TMEM117: variants seen among roughly 807,000 people sequenced by gnomAD.
TMEM117 encodes the protein transmembrane protein 117.
In TMEM117, 27 loss-of-function variants were observed where a neutral mutation model predicts 52.4. The ratio of observed to expected loss-of-function variants is 0.51; its 90% CI spans 0.38 to 0.71. The LOEUF (loss-of-function observed/expected upper bound fraction) is 0.71, where lower values mean the gene tolerates loss of function less well. Among genes scored for constraint, TMEM117 ranks in the 30% least tolerant of loss-of-function variants. TMEM117 has a pLI of 0.00. For synonymous variants in TMEM117, 215 were observed against 206.3 expected (o/e 1.04, Z -0.36); for missense variants, 556 against 630.5 (o/e 0.88, Z 1.26).
At chr12:44,193,260 A>T (rs1317388093) in intron 4 of TMEM117, among the ~76,000 whole-genome samples, 1 of 152,224 alleles carries the variant, frequency 6.6e-6, no homozygotes, top group Non-Finnish European at 1.5e-5. Context: ...AACCAGGAAA[A>T]AGCAACAGCA....
intron 6 of TMEM117, among the ~76,000 whole-genome samples, chr12:44,305,161 C>T (rs540097748): frequency 6.6e-6 from 1 of 152,304 alleles, no homozygotes; most frequent in Non-Finnish European, 1.5e-5. Flanking sequence ...GTGTGAACAT[C>T]AGCAGTAGCC....
At chr12:43,854,450 GA>G (rs370821552) in intron 2 of TMEM117, among the ~76,000 whole-genome samples, 1,810 of 133,736 alleles carry the variant, frequency 0.014, 47 homozygotes, top group East Asian at 0.096. Flanking sequence ...TTATCCTACT[GA>G]AAAAAAAAAA....
intron 3 of TMEM117, among the ~76,000 whole-genome samples, chr12:44,134,474 A>T (rs1948460894): frequency 6.6e-6 from 1 of 152,168 alleles, no homozygotes; most frequent in South Asian, 2.1e-4. Context: ...TTTTAACTGG[A>T]GAGAGAGGGG....
intron 2 of TMEM117, among the ~76,000 whole-genome samples, chr12:43,893,252 A>G (rs567140124): frequency 6.6e-6 from 1 of 152,342 alleles, no homozygotes; most frequent in Non-Finnish European, 1.5e-5. Flanking sequence ...TGTGTCAAAA[A>G]CGAACTGTAA....
At chr12:43,894,711 G>T (rs1288458122) in intron 2 of TMEM117, among the ~76,000 whole-genome samples, 1 of 152,158 alleles carries the variant, frequency 6.6e-6, no homozygotes, top group East Asian at 1.9e-4. Context: ...TCATGTCCCT[G>T]CAAAGGACTT....
At chr12:44,176,304 G>C (rs1267718250) in intron 4 of TMEM117, among the ~76,000 whole-genome samples, 1 of 152,086 alleles carries the variant, frequency 6.6e-6, no homozygotes, top group East Asian at 1.9e-4. Flanking sequence ...CACCTAGAAT[G>C]GTGCTTGGCA....
chr12:43,944,150 A>C (rs535004085), intron 2 of TMEM117, 60 bp from the exon 3 acceptor site: 2 of 1,431,440 alleles, frequency 1.4e-6, no homozygotes, highest in Non-Finnish European at 1.9e-6. Flanking sequence ...AAAATAAAGC[A>C]AAGATCCATG....
intron 2 of TMEM117, among the ~76,000 whole-genome samples, chr12:43,909,123 A>G (rs1198810583): frequency 3.2e-5 from 2 of 63,044 alleles, no homozygotes; most frequent in African/African-American, 6.1e-5. Flanking sequence ...CAAATGTAAA[A>G]GAACAGAAAT....
At chr12:43,936,579 T>C (rs1944955156) in intron 2 of TMEM117, among the ~76,000 whole-genome samples, 1 of 152,156 alleles carries the variant, frequency 6.6e-6, no homozygotes. Flanking sequence ...GGCACATCAT[T>C]ATTTATGGGG....
intron 3 of TMEM117, among the ~76,000 whole-genome samples, chr12:44,021,309 T>C (rs1261743752): frequency 1.3e-5 from 2 of 152,198 alleles, no homozygotes; most frequent in Non-Finnish European, 2.9e-5. Flanking sequence ...TGTTTCCTTC[T>C]TTCTGTTCAT....
At chr12:44,325,754 G>C (rs1951186586) in intron 6 of TMEM117, among the ~76,000 whole-genome samples, 1 of 152,148 alleles carries the variant, frequency 6.6e-6, no homozygotes, top group Admixed American at 6.6e-5. Flanking sequence ...ATATGTGTGT[G>C]TTTATGTCTG....
intron 5 of TMEM117, among the ~76,000 whole-genome samples, chr12:44,262,747 C>T (rs1374697363): frequency 2.6e-5 from 4 of 152,096 alleles, no homozygotes; most frequent in Non-Finnish European, 5.9e-5. Context: ...CCACCACGCC[C>T]GGCTAATATT....
chr12:43,976,086 T>C (rs956966129), intron 3 of TMEM117, among the ~76,000 whole-genome samples: 7 of 152,186 alleles, frequency 4.6e-5, no homozygotes, highest in African/African-American at 1.7e-4. Context: ...CAACTTTAAA[T>C]TCTACACTTG....
At chr12:43,822,267 G>A in the TMEM117 span, among the ~76,000 whole-genome samples, 4 of 152,170 alleles carry the variant, frequency 2.6e-5, no homozygotes, top group Non-Finnish European at 5.9e-5. Flanking sequence ...ATTAAAACAA[G>A]ATTTTTATTT....
At chr12:44,127,459 C>T (rs1477070294) in intron 3 of TMEM117, among the ~76,000 whole-genome samples, 2 of 151,964 alleles carry the variant, frequency 1.3e-5, no homozygotes, top group East Asian at 1.9e-4. Context: ...AGCAAATCAC[C>T]TGAGGTCAAG....
At chr12:43,879,781 C>G (rs1466073031) in intron 2 of TMEM117, among the ~76,000 whole-genome samples, 1 of 152,204 alleles carries the variant, frequency 6.6e-6, no homozygotes, top group East Asian at 1.9e-4. Flanking sequence ...TTGGAGTAAT[C>G]TATCTCCAGG....
chr12:43,990,979 G>GTCTCTACTATACTTTGATTAGGT (rs1945929169), intron 3 of TMEM117, among the ~76,000 whole-genome samples: 1 of 152,148 alleles, frequency 6.6e-6, no homozygotes, highest in Non-Finnish European at 1.5e-5. Flanking sequence ...ATATCACTGT[G>GTCTCTACTATACTTTGATTAGGT]TCTCTACTAT....
intron 3 of TMEM117, among the ~76,000 whole-genome samples, chr12:43,990,313 A>G (rs1016759876): frequency 1.3e-5 from 2 of 152,138 alleles, no homozygotes; most frequent in African/African-American, 4.8e-5. Context: ...CAGTTTAAAA[A>G]CTTAGACTTT....
intron 5 of TMEM117, among the ~76,000 whole-genome samples, chr12:44,239,041 T>C (rs949879684): frequency 6.6e-6 from 1 of 152,192 alleles, no homozygotes; most frequent in African/African-American, 2.4e-5. Flanking sequence ...AATATAGGTT[T>C]CTCCATTTTT....
Sources: allele counts gnomAD v4.1 joint callset (sites outside exome capture counted in the v4.1 genomes callset), GRCh38; gene constraint gnomAD v4.1.1; transcripts MANE v1.5; gene names NCBI Gene and HGNC (gene_info 2026-07-23, HGNC 2026-07-21).